Variants in IL17RD observed in about 807,000 individuals in gnomAD.
The protein encoded by IL17RD is interleukin-17 receptor D.
Under a neutral mutation model 80.5 loss-of-function variants are expected in IL17RD, and 52 were observed. That is an observed-to-expected ratio of 0.65 (90% CI 0.52 to 0.81). The LOEUF (loss-of-function observed/expected upper bound fraction) is 0.81, where lower values mean the gene tolerates loss of function less well. Among genes scored for constraint, IL17RD ranks in the 40% least tolerant of loss-of-function variants. The pLI, the probability that IL17RD is intolerant of heterozygous loss-of-function variation, is 0.00. For missense variants in IL17RD, 1,024 were observed against 955.1 expected, an observed-to-expected ratio of 1.07 and a Z score of -0.95; for synonymous variants, 416 against 391.8, an observed-to-expected ratio of 1.06 and a Z score of -0.73.
At chr3:57,108,898 C>T (rs1221799648) in intron 5 of IL17RD, among the ~76,000 whole-genome samples, 1 of 151,988 alleles carries the variant, frequency 6.6e-6, no homozygotes, top group African/African-American at 2.4e-5. Context: ...GATCCTGCTG[C>T]CTCAGCATCC....
chr3:57,152,899 C>G (rs988079586), intron 1 of IL17RD, among the ~76,000 whole-genome samples: 20 of 152,194 alleles, frequency 1.3e-4, no homozygotes, highest in Middle Eastern at 3.4e-3. Context: ...AAAGAAATGG[C>G]TGAATTTTGG....
chr3:57,164,540 G>C (rs556779709), intron 1 of IL17RD, among the ~76,000 whole-genome samples: 1 of 152,212 alleles, frequency 6.6e-6, no homozygotes, highest in Non-Finnish European at 1.5e-5. Context: ...TATCAGCCGC[G>C]AGACCTTCAC....
chr3:57,131,380 G>A (rs1008152452), intron 1 of IL17RD, among the ~76,000 whole-genome samples: 1 of 152,184 alleles, frequency 6.6e-6, no homozygotes, highest in African/African-American at 2.4e-5. Flanking sequence ...CTTAAGAAGG[G>A]TGAAACAAAG....
In IL17RD at chr3:57,149,284, G is replaced by A. The variant is rs1330815259; in HGVS notation, c.126+15877C>T. 1.6e-3 allele frequency among the ~76,000 whole-genome samples: 224 copies of A among 138,706 alleles called. 2 individuals are homozygous for A. Among genetic ancestry groups the A allele is most frequent in the Non-Finnish European group, 7.1e-4 (47 of 65,892 alleles). 91.0% of individuals were successfully genotyped at this position (138,706 alleles called of 152,430 possible). A position where few individuals can be genotyped will look rare whatever the true frequency, so the allele number is the denominator to read the frequency against. ...ACATTCCAGCCTGGGTGACAAGAGC[G>A]AAACTCCATCTCAAAAAAAAAAAAA... On this transcript the variant is annotated intron_variant, in intron 1 of 12. Coordinates refer to ENST00000296318, the MANE Select transcript of IL17RD (RefSeq NM_017563.5).
chr3:57,139,330 G>C (rs544413504), intron 1 of IL17RD, among the ~76,000 whole-genome samples: 8 of 152,096 alleles, frequency 5.3e-5, no homozygotes, highest in Admixed American at 2.0e-4. Flanking sequence ...ACGGGTAAAA[G>C]AATGTCAAGA....
chr3:57,116,474 G>A (rs1707219618), intron 2 of IL17RD, among the ~76,000 whole-genome samples: 1 of 151,314 alleles, frequency 6.6e-6, no homozygotes, highest in Admixed American at 6.6e-5. Flanking sequence ...TAGTAGAGAC[G>A]AGGTTTCTCC....
Position 57,098,386 on chromosome 3 carries a change from T to A in IL17RD, c.1317A>T (p.Gly439=). 1 of 1,614,008 alleles carries A rather than the reference T, an allele frequency of 6.2e-7. No individual in the cohort carries two copies. Among genetic ancestry groups the A allele is most frequent in the Non-Finnish European group, 8.5e-7 (1 of 1,179,892 alleles). ...CTCCTTTCCCCGAGCCTCGGCCACC[T>A]CCTTTGTGTTTGTAGTTCTTCTTGT... ...FVDKKNYKHK[G]GGRGSGKGEL... The change falls in exon 12 of 13, where the codon GGA becomes GGT. Residue 439 remains glycine (G), a synonymous_variant. Transcript: ENST00000296318.
At chr3:57,114,635 TG>T (rs1707170589) in intron 3 of IL17RD, 56 bp downstream of exon 3, 2 of 1,516,740 alleles carry the variant, frequency 1.3e-6, no homozygotes, top group South Asian at 2.7e-5. Flanking sequence ...GTGGGACCTT[TG>T]CACTGGGCCC....
At chr3:57,110,593 TA>T (rs1479578616) in intron 3 of IL17RD, among the ~76,000 whole-genome samples, 1 of 152,256 alleles carries the variant, frequency 6.6e-6, no homozygotes, top group Non-Finnish European at 1.5e-5. Flanking sequence ...TTCAAATATT[TA>T]GACTCCAGTT....
rs1431176845 is a variant in IL17RD at position 57,110,259 on chromosome 3, C to A, written c.363G>T (p.Glu121Asp). 1 of 1,609,704 alleles carries A rather than the reference C, an allele frequency of 6.2e-7. No individual in the cohort carries two copies. Among genetic ancestry groups the A allele is most frequent in the Admixed American group, 1.7e-5 (1 of 59,590 alleles). The change falls in exon 4 of 13, where the codon GAG becomes GAT. Residue 121 changes from glutamate to aspartate, a missense_variant. Coordinates refer to ENST00000296318, the MANE Select transcript of IL17RD (RefSeq NM_017563.5). ...GAATCAGTTGTTGGCACTGTCTTCC[C>A]TCCGACTTCAGCTCCTCCAGTATTA... ...FRVILEELKSEGRQCQQLILK... is the reference protein window; with the variant it reads ...FRVILEELKSDGRQCQQLILK...
In IL17RD at chr3:57,116,771, T is replaced by C. The variant is rs371155987; in HGVS notation, c.185-1954A>G. 2.8e-4 allele frequency among the ~76,000 whole-genome samples: 43 copies of C among 152,104 alleles called. No individual in the cohort carries two copies. In the East Asian group the frequency reaches 6.2e-3, roughly 22 times the overall value. On this transcript the variant is annotated intron_variant, in intron 2 of 12. Coordinates refer to ENST00000296318, the MANE Select transcript of IL17RD (RefSeq NM_017563.5). ...TATACAAATGAGGAAACTGCAGCTA[T>C]GAGAGATCAGCTCTTACCACTTCTA... is the stretch of plus-strand genomic sequence containing the variant.
intron 1 of IL17RD, chr3:57,142,482 C>T: frequency 7.8e-7 from 1 of 1,286,180 alleles, no homozygotes; most frequent in Non-Finnish European, 1.0e-6. Context: ...AACGCAGGAA[C>T]ACCTGAGGCA....
intron 1 of IL17RD, among the ~76,000 whole-genome samples, chr3:57,127,467 G>A (rs1246339599): frequency 1.4e-5 from 2 of 146,124 alleles, no homozygotes; most frequent in African/African-American, 2.6e-5. Context: ...GTGCAATAGC[G>A]TGATCTTGGC....
intron 1 of IL17RD, among the ~76,000 whole-genome samples, chr3:57,143,234 G>A (rs1707864740): frequency 6.6e-6 from 1 of 152,158 alleles, no homozygotes; most frequent in South Asian, 2.1e-4. Context: ...GCTTCCTTCT[G>A]CCACCTTACA....
chr3:57,091,652 G>A lies in IL17RD; in HGVS notation c.*4741C>T, dbSNP rs1233898635. ...ACTGAAATAAAAACACCAGGGGGATGACTTCACTGTGGTTTTTGAATACAT... is the reference window on the plus strand; with the variant it reads ...ACTGAAATAAAAACACCAGGGGGATAACTTCACTGTGGTTTTTGAATACAT... On this transcript the variant is annotated 3_prime_UTR_variant, in exon 13 of 13. Transcript: ENST00000296318. 7 of 152,596 alleles carry A rather than the reference G, an allele frequency of 4.6e-5. No homozygotes were observed. Among genetic ancestry groups the A allele is most frequent in the African/African-American group, 1.7e-4 (7 of 41,450 alleles). The allele number at this position is 152,596 out of a possible 1,614,324, so 9.5% of individuals were successfully genotyped here.
intron 9 of IL17RD, 84 bp downstream of exon 9, chr3:57,103,007 T>C (rs1706871409): frequency 4.1e-6 from 4 of 980,728 alleles, no homozygotes; most frequent in Non-Finnish European, 6.1e-6. Flanking sequence ...TTGTTTTGTT[T>C]CTGTAAATCA....
At chr3:57,110,472 C>T (rs1357569720) in intron 3 of IL17RD, among the ~76,000 whole-genome samples, 161 bp from the exon 4 acceptor site, 1 of 152,192 alleles carries the variant, frequency 6.6e-6, no homozygotes. Context: ...AAACACACCC[C>T]CTGCATTCCT....
intron 1 of IL17RD, among the ~76,000 whole-genome samples, chr3:57,127,356 AT>A (rs1465811266): frequency 1.9e-4 from 17 of 91,172 alleles, no homozygotes; most frequent in African/African-American, 1.0e-3. Flanking sequence ...ATAAATATAT[AT>A]AAATATAAAT....
In IL17RD at chr3:57,094,789, T is replaced by C. The variant is rs545875485; in HGVS notation, c.*1604A>G. On this transcript the variant is annotated 3_prime_UTR_variant, in exon 13 of 13. Coordinates refer to ENST00000296318, the MANE Select transcript of IL17RD (RefSeq NM_017563.5). ...CAACATAAAATGACTCTTCTCTGAG[T>C]TGCCTGTTGTTATGGGGAGGCAGTC... The C allele has an allele frequency of 6.6e-6, 1 of 152,534 alleles. No homozygotes were observed. Among genetic ancestry groups the C allele is most frequent in the South Asian group, 2.1e-4 (1 of 4,824 alleles). The allele number at this position is 152,534 out of a possible 1,614,324, so 9.4% of individuals were successfully genotyped here.
Sources: gnomAD v4.1 joint callset for allele counts (sites outside exome capture counted in the v4.1 genomes callset) on GRCh38, gnomAD v4.1.1 for gene constraint, MANE v1.5 for transcripts, NCBI Gene and HGNC (gene_info 2026-07-23, HGNC 2026-07-21) for gene names.